CDH13: variants seen among roughly 807,000 people sequenced by gnomAD.
CDH13 encodes the protein cadherin-13.
In CDH13, 24 loss-of-function variants were observed where a neutral mutation model predicts 63.8. That is an observed-to-expected ratio of 0.38 (90% CI 0.27 to 0.53). The LOEUF (loss-of-function observed/expected upper bound fraction) is 0.53, where lower values mean the gene tolerates loss of function less well. CDH13 is among the 20% of genes least tolerant of loss of function. CDH13 has a pLI of 0.85. For synonymous variants in CDH13, 503 were observed against 355.3 expected, an observed-to-expected ratio of 1.42 and a Z score of -4.67; for missense variants, 1,049 against 903.1, an observed-to-expected ratio of 1.16 and a Z score of -2.07.
intron 5 of CDH13, among the ~76,000 whole-genome samples, chr16:83,334,361 T>TCTCTCTCTCACACACACA (rs1272779883): frequency 2.3e-5 from 2 of 85,622 alleles, no homozygotes; most frequent in African/African-American, 9.9e-5. Flanking sequence ...TCTCTCTCTC[T>TCTCTCTCTCACACACACA]CACACACACA....
At chr16:83,181,025 AG>A (rs1265968750) in intron 4 of CDH13, 92 of 1,510,930 alleles carry the variant, frequency 6.1e-5, no homozygotes, top group Non-Finnish European at 6.8e-5. Context: ...ACTTCCCACT[AG>A]CACTCGGTAT....
At chr16:82,663,942 G>A (rs573970057) in intron 1 of CDH13, among the ~76,000 whole-genome samples, 1 of 152,314 alleles carries the variant, frequency 6.6e-6, no homozygotes, top group Non-Finnish European at 1.5e-5. Context: ...CAGCATGACA[G>A]GCATTCCACT....
intron 2 of CDH13, among the ~76,000 whole-genome samples, chr16:82,991,381 G>C (rs1911638031): frequency 6.6e-6 from 1 of 152,090 alleles, no homozygotes; most frequent in East Asian, 1.9e-4. Flanking sequence ...ATCTAGTAAG[G>C]GGGGAGATGT....
intron 5 of CDH13, among the ~76,000 whole-genome samples, chr16:83,227,406 C>T (rs924686091): frequency 1.3e-5 from 2 of 152,136 alleles, no homozygotes; most frequent in African/African-American, 4.8e-5. Flanking sequence ...AGCCTTGGGC[C>T]TCCCAGGAAA....
At chr16:83,178,841 T>C (rs944907104) in intron 4 of CDH13, among the ~76,000 whole-genome samples, 1 of 152,160 alleles carries the variant, frequency 6.6e-6, no homozygotes, top group African/African-American at 2.4e-5. Flanking sequence ...GATGCACAAA[T>C]AGCCTGGCCT....
rs897861132 is a variant in CDH13 at position 83,123,230 on chromosome 16, A to G, written c.367-2155A>G. Among the ~76,000 whole-genome samples the G allele has an allele frequency of 7.2e-5, 11 of 151,844 alleles. No homozygotes were observed. The South Asian group carries it at 1.4e-3, about 20-fold the overall frequency. On this transcript the variant is annotated intron_variant, in intron 3 of 13. Coordinates refer to ENST00000567109, the MANE Select transcript of CDH13 (RefSeq NM_001257.5). Reference sequence around the variant, plus strand: ...GATATGTTTATATATACGTATAGATATATTTACATATATGTATAGATACAA... The same window carrying G: ...GATATGTTTATATATACGTATAGATGTATTTACATATATGTATAGATACAA...
intron 3 of CDH13, among the ~76,000 whole-genome samples, chr16:83,063,719 G>T (rs922843373): frequency 6.6e-6 from 1 of 152,158 alleles, no homozygotes; most frequent in Non-Finnish European, 1.5e-5. Context: ...TTCTGTTTTA[G>T]TTTTGGAGGC....
intron 1 of CDH13, among the ~76,000 whole-genome samples, chr16:82,681,091 G>C (rs7197835): frequency 0.62 from 94,838 of 152,144 alleles, 29,859 homozygotes; most frequent in African/African-American, 0.71. Context: ...AGCACTATCA[G>C]CAATCTGCAA....
chr16:83,023,002 T>G (rs1915484239), intron 2 of CDH13: 1 of 152,214 alleles, frequency 6.6e-6, no homozygotes, highest in South Asian at 2.1e-4. Flanking sequence ...TTCTCCCTTA[T>G]CCATTTTTAG....
At chr16:82,788,265 G>A (rs746263817) in intron 1 of CDH13, among the ~76,000 whole-genome samples, 1 of 152,158 alleles carries the variant, frequency 6.6e-6, no homozygotes. Flanking sequence ...CTTGACATGG[G>A]ATGGTTGGGA....
intron 3 of CDH13, among the ~76,000 whole-genome samples, chr16:83,121,518 G>C (rs1017587304): frequency 2.8e-4 from 42 of 152,230 alleles, no homozygotes; most frequent in African/African-American, 1.0e-3. Context: ...TAGTAGTTTA[G>C]AGTAGTGATG....
intron 5 of CDH13, among the ~76,000 whole-genome samples, chr16:83,295,837 A>G (rs1281936839): frequency 6.6e-6 from 1 of 152,188 alleles, no homozygotes; most frequent in African/African-American, 2.4e-5. Context: ...AAAGAAAATA[A>G]CATCAATATG....
intron 8 of CDH13, among the ~76,000 whole-genome samples, chr16:83,621,627 C>T (rs925759537): frequency 1.3e-5 from 2 of 151,722 alleles, no homozygotes; most frequent in Admixed American, 6.6e-5. Context: ...GCTGGAATTA[C>T]AGGCATGTGC....
In CDH13 at chr16:82,857,422, T is replaced by C. The variant is rs531564892; in HGVS notation, c.46-940T>C. ...GCTCAGTAGAACCAGTGGTTGGTTG[T>C]TGGGGGGAGGTAATACCTGTTTTTA... On this transcript the variant is annotated intron_variant, in intron 1 of 13. Transcript: ENST00000567109. Among the ~76,000 whole-genome samples the C allele has an allele frequency of 7.4e-4, 113 of 152,278 alleles. 1 individual carries two copies. The highest frequency in any genetic ancestry group is 2.1e-3 in the South Asian group (10 of 4,830).
At chr16:83,747,431 C>A (rs181998522) in intron 10 of CDH13, among the ~76,000 whole-genome samples, 2 of 152,126 alleles carry the variant, frequency 1.3e-5, no homozygotes, top group African/African-American at 4.8e-5. Flanking sequence ...TTTCACCTTC[C>A]GCCATGATTG....
chr16:83,224,561 G>A (rs990797367), intron 5 of CDH13, among the ~76,000 whole-genome samples: 4 of 152,208 alleles, frequency 2.6e-5, no homozygotes, highest in Admixed American at 2.0e-4. Context: ...CCCTGAGTGG[G>A]ACAAAACAAA....
chr16:83,017,793 C>A (rs960647199), intron 2 of CDH13, among the ~76,000 whole-genome samples: 1 of 152,078 alleles, frequency 6.6e-6, no homozygotes, highest in Non-Finnish European at 1.5e-5. Context: ...TGAACCAACA[C>A]GCTTTGATGC....
At chr16:83,520,313 A>G (rs2074800478) in intron 7 of CDH13, among the ~76,000 whole-genome samples, 1 of 152,212 alleles carries the variant, frequency 6.6e-6, no homozygotes, top group African/African-American at 2.4e-5. Flanking sequence ...AGTTCAAGAA[A>G]AAACAAAAAG....
chr16:83,704,934 A>G (rs545092110), intron 10 of CDH13, among the ~76,000 whole-genome samples: 2 of 152,304 alleles, frequency 1.3e-5, no homozygotes, highest in East Asian at 1.9e-4. Flanking sequence ...AACTCCAACA[A>G]TCATTTAAAA....
Sources: allele counts gnomAD v4.1 joint callset (sites outside exome capture counted in the v4.1 genomes callset), GRCh38; gene constraint gnomAD v4.1.1; transcripts MANE v1.5; gene names NCBI Gene and HGNC (gene_info 2026-07-23, HGNC 2026-07-21).